Variants in TRIP12 observed in about 807,000 individuals in gnomAD.
TRIP12 encodes the protein thyroid hormone receptor interactor 12, also known as E3 ubiquitin-protein ligase TRIP12.
In TRIP12, 25 loss-of-function variants were observed where a neutral mutation model predicts 244.2. That is an observed-to-expected ratio of 0.10 (90% confidence interval 0.07 to 0.14). The LOEUF (loss-of-function observed/expected upper bound fraction) is 0.14. Ranked by LOEUF, TRIP12 falls within the 10% of genes least tolerant of loss-of-function variation. The pLI, the probability that TRIP12 is intolerant of heterozygous loss-of-function variation, is 1.00. For synonymous variants in TRIP12, 905 were observed against 873.1 expected (o/e 1.04, Z -0.64); for missense variants, 1,677 against 2,486.4 (o/e 0.67, Z 6.92).
intron 1 of TRIP12, among the ~76,000 whole-genome samples, chr2:229,905,296 A>C (rs931501402): frequency 6.6e-6 from 1 of 151,572 alleles, no homozygotes; most frequent in African/African-American, 2.4e-5. Context: ...AAAAAAGTGT[A>C]TTTAAAAAGA....
intron 1 of TRIP12, among the ~76,000 whole-genome samples, chr2:229,898,614 T>TA (rs67601337): frequency 4.6e-5 from 7 of 152,256 alleles, no homozygotes; most frequent in South Asian, 2.1e-4. Context: ...TATACAGTAA[T>TA]AAAAAAATCA....
In TRIP12 at chr2:229,807,729, C is replaced by A. The variant is rs921490949; in HGVS notation, c.2475G>T (p.Arg825Ser). The stretch of plus-strand genomic sequence containing the variant: ...CTACCTCAATGATCCGGCTGTCAAT[C>A]CTGTTATATGGATGCCAGAGGCCCC... ...DDRGLWHPYN[R>S]IDSRIIEAAH... The change falls in exon 17 of 42, where the codon AGG (arginine) becomes AGT (serine). Residue 825 changes from arginine to serine, a missense_variant. Around this residue, in one of 11 missense-constraint regions of TRIP12, gnomAD observed 572 missense variants for 867.8 expected, o/e 0.66. Coordinates refer to ENST00000675903, the MANE Select transcript of TRIP12 (RefSeq NM_001348323.3). The A allele has an allele frequency of 1.9e-6, 3 of 1,614,056 alleles. No individual in the cohort carries two copies. The highest frequency in any genetic ancestry group is 2.7e-5 in the African/African-American group (2 of 74,918).
chr2:229,826,465 TA>T (rs1327840343), intron 8 of TRIP12, among the ~76,000 whole-genome samples: 2 of 152,242 alleles, frequency 1.3e-5, no homozygotes, highest in Non-Finnish European at 2.9e-5. Context: ...ATTACTGTTT[TA>T]TTTTTTAAGT....
intron 2 of TRIP12, 130 bp from the exon 3 acceptor site, chr2:229,860,661 A>G (rs915504028): frequency 1.1e-6 from 1 of 922,800 alleles, no homozygotes; most frequent in South Asian, 3.6e-5. Flanking sequence ...CTTTTTCCAA[A>G]TATTTATAAA....
chr2:229,834,474 A>G (rs2054247912), intron 6 of TRIP12, among the ~76,000 whole-genome samples: 1 of 152,244 alleles, frequency 6.6e-6, no homozygotes, highest in Non-Finnish European at 1.5e-5. Context: ...ACGAATGCAT[A>G]GCAGACCAGG....
chr2:229,877,553 T>A (rs987469160), intron 2 of TRIP12, among the ~76,000 whole-genome samples: 16 of 152,110 alleles, frequency 1.1e-4, no homozygotes, highest in African/African-American at 1.7e-4. Context: ...TTAAAAAAAA[T>A]TTTTTAATCT....
intron 2 of TRIP12, among the ~76,000 whole-genome samples, chr2:229,878,901 T>G (rs903356819): frequency 2.6e-5 from 4 of 151,800 alleles, no homozygotes; most frequent in Admixed American, 1.3e-4. Context: ...TTTAAATACT[T>G]TACTAGATAA....
In TRIP12 at chr2:229,802,331, C is replaced by T. The variant is rs1467494373; in HGVS notation, c.3127G>A (p.Ala1043Thr). ...TSVSSGTATA[A>T]THAAADLGSP... is the part of the protein sequence containing the mutation. ...CCCAAGTCAGCTGCAGCATGAGTGGCAGCTGTGGCTGTCCCACTGCTGACT... is the reference window on the plus strand; with the variant it reads ...CCCAAGTCAGCTGCAGCATGAGTGGTAGCTGTGGCTGTCCCACTGCTGACT... The change falls in exon 21 of 42, where the codon GCC (alanine) becomes ACC (threonine). Residue 1043 changes from alanine to threonine, a missense_variant. This residue lies in a region of TRIP12 where 572 missense variants were observed against 867.8 expected (regional missense o/e 0.66). Coordinates refer to ENST00000675903, the MANE Select transcript of TRIP12 (RefSeq NM_001348323.3). 1 of 1,613,500 alleles carries T rather than the reference C, an allele frequency of 6.2e-7. No homozygotes were observed. The highest frequency in any genetic ancestry group is 1.7e-5 in the Admixed American group (1 of 60,014).
Position 229,768,701 on chromosome 2 carries a change from C to T in TRIP12, c.5922G>A (p.Leu1974=), listed in dbSNP as rs541162897. The change falls in exon 41 of 42, where the codon TTG becomes TTA. Residue 1974 remains leucine, a synonymous_variant. Coordinates refer to ENST00000675903, the MANE Select transcript of TRIP12 (RefSeq NM_001348323.3). ...YTHDSRAVKF[L]FEILSSFDNE... is the part of the protein sequence containing the mutation. ...TATCAAAACTACTGAGAATCTCAAA[C>T]AAAAACTTCACAGCCCGACTATAAC... The T allele has an allele frequency of 1.9e-6, 3 of 1,605,592 alleles. No homozygotes were observed. The highest frequency in any genetic ancestry group is 2.2e-5 in the East Asian group (1 of 44,808).
chr2:229,847,881 A>G lies in TRIP12; in HGVS notation c.1028-6954T>C, dbSNP rs549814569. ...GTATAGAATATAGAAATTCCTGACT[A>G]AAGTACACAGTACAAATAGGTTCAC... On this transcript the variant is annotated intron_variant, in intron 4 of 41. Coordinates refer to ENST00000675903, the MANE Select transcript of TRIP12 (RefSeq NM_001348323.3). Among the ~76,000 whole-genome samples, 16 of 152,332 alleles carry G rather than the reference A, an allele frequency of 1.1e-4. No individual in the cohort carries two copies. The South Asian group carries it at 3.3e-3, about 32-fold the overall frequency.
chr2:229,765,115 A>T lies in TRIP12; in HGVS notation c.*2439T>A, dbSNP rs1236393155. The T allele has an allele frequency of 6.6e-6, 1 of 152,212 alleles. No individual in the cohort carries two copies. The highest frequency in any genetic ancestry group is 1.5e-5 in the Non-Finnish European group (1 of 68,028). 9.4% of individuals were successfully genotyped at this position (152,212 alleles called of 1,614,324 possible). ...TTGGAATAGTTAAAAATACGTTCTCATATATAAAGCAGATCGAATCAGTAA... is the reference window on the plus strand; with the variant it reads ...TTGGAATAGTTAAAAATACGTTCTCTTATATAAAGCAGATCGAATCAGTAA... On this transcript the variant is annotated 3_prime_UTR_variant, in exon 42 of 42. Coordinates refer to ENST00000675903, the MANE Select transcript of TRIP12 (RefSeq NM_001348323.3).
chr2:229,844,209 C>T (rs1287113507), intron 4 of TRIP12, among the ~76,000 whole-genome samples: 2 of 152,128 alleles, frequency 1.3e-5, no homozygotes, highest in Non-Finnish European at 2.9e-5. Flanking sequence ...ATTTACTTTC[C>T]TTGTCTACTT....
intron 4 of TRIP12, among the ~76,000 whole-genome samples, chr2:229,842,266 T>G (rs1400145589): frequency 2.0e-5 from 3 of 152,204 alleles, no homozygotes; most frequent in Non-Finnish European, 2.9e-5. Flanking sequence ...ATTTTCTACA[T>G]AGCATACTGC....
intron 15 of TRIP12, 88 bp from the exon 16 acceptor site, chr2:229,808,457 T>TG: frequency 1.2e-6 from 1 of 821,264 alleles, no homozygotes; most frequent in East Asian, 2.6e-5. Flanking sequence ...GGGGGGAAAA[T>TG]AATCAGAATC....
chr2:229,838,428 A>G (rs2055403384), intron 5 of TRIP12, among the ~76,000 whole-genome samples: 1 of 152,190 alleles, frequency 6.6e-6, no homozygotes, highest in Non-Finnish European at 1.5e-5. Context: ...ATCTCAACTA[A>G]TTCAGAAAAG....
At position 229,883,833 on chromosome 2, in the gene TRIP12, C is replaced by T. The variant is rs191755215; in HGVS notation, c.-49-3705G>A. On this transcript the variant is annotated intron_variant, in intron 1 of 41. Transcript: ENST00000675903. The stretch of plus-strand genomic sequence containing the variant: ...ATGTGAAAATGTATTTAACTCTACA[C>T]GCAAATACCACATAGAGAAACAAAA... Among the ~76,000 whole-genome samples the T allele has an allele frequency of 7.2e-3, 1,097 of 152,284 alleles. 8 individuals carry two copies. The highest frequency in any genetic ancestry group is 0.024 in the Middle Eastern group (7 of 294).
chr2:229,797,623 G>T (rs2043142991), intron 24 of TRIP12, 67 bp downstream of exon 24: 14 of 1,579,224 alleles, frequency 8.9e-6, no homozygotes, highest in Non-Finnish European at 1.2e-5. Context: ...AGTCATGAAG[G>T]AAAAGAGTAG....
At chr2:229,801,877 C>CT (rs2044452147) in intron 21 of TRIP12, among the ~76,000 whole-genome samples, 1 of 152,078 alleles carries the variant, frequency 6.6e-6, no homozygotes, top group Non-Finnish European at 1.5e-5. Context: ...CTGGATGTCT[C>CT]TGAGGTCGTA....
At chr2:229,805,958 C>A in intron 17 of TRIP12, 75 bp from the exon 18 acceptor site, 1 of 1,177,874 alleles carries the variant, frequency 8.5e-7, no homozygotes, top group South Asian at 2.2e-5. Context: ...TGGGGACCCT[C>A]CAAATATGCT....
Sources: gnomAD v4.1 joint callset for allele counts (sites outside exome capture counted in the v4.1 genomes callset) on GRCh38, gnomAD v4.1.1 for gene constraint, gnomAD v4.1.1 regional missense constraint, MANE v1.5 for transcripts, NCBI Gene and HGNC (gene_info 2026-07-23, HGNC 2026-07-21) for gene names.